Variants in MAP4K3 observed in about 807,000 individuals in gnomAD.
The protein encoded by MAP4K3 is mitogen-activated protein kinase kinase kinase kinase 3.
MAP4K3 carries 94 observed loss-of-function variants against 143.5 expected under a neutral mutation model. That is an observed-to-expected ratio of 0.65 (90% CI 0.55 to 0.78). The LOEUF (loss-of-function observed/expected upper bound fraction) is 0.78. MAP4K3 is among the 30% of genes least tolerant of loss of function. MAP4K3 has a pLI of 0.00. For missense variants in MAP4K3, 1,077 were observed against 1,068.1 expected (o/e 1.01, Z -0.12); for synonymous variants, 416 against 347.2 (o/e 1.20, Z -2.20).
At chr2:39,338,596 C>T (rs1438703712) in intron 4 of MAP4K3, among the ~76,000 whole-genome samples, 1 of 152,162 alleles carries the variant, frequency 6.6e-6, no homozygotes, top group East Asian at 1.9e-4. Context: ...ACGATGAACA[C>T]CTTTACATCA....
intron 29 of MAP4K3, among the ~76,000 whole-genome samples, chr2:39,259,443 T>C (rs1238001086): frequency 6.6e-6 from 1 of 152,134 alleles, no homozygotes; most frequent in Non-Finnish European, 1.5e-5. Flanking sequence ...CCTAGTGAAG[T>C]GATGGAAGAT....
chr2:39,290,212 G>A, intron 19 of MAP4K3, 80 bp downstream of exon 19: 1 of 990,952 alleles, frequency 1.0e-6, no homozygotes, highest in Non-Finnish European at 1.5e-6. Flanking sequence ...CAAATGAAAA[G>A]CTAGAAAAAC....
intron 12 of MAP4K3, among the ~76,000 whole-genome samples, chr2:39,318,987 T>C (rs191213483): frequency 2.4e-4 from 36 of 152,226 alleles, no homozygotes; most frequent in African/African-American, 8.2e-4. Flanking sequence ...GGACATTTTT[T>C]TGTTGTCACA....
intron 3 of MAP4K3, among the ~76,000 whole-genome samples, chr2:39,345,779 A>T (rs1411462692): frequency 6.6e-6 from 1 of 151,856 alleles, no homozygotes; most frequent in African/African-American, 2.4e-5. Flanking sequence ...GAAATTAGCC[A>T]GGCGTGGTGG....
chr2:39,312,754 A>T, intron 13 of MAP4K3, among the ~76,000 whole-genome samples: 1 of 152,228 alleles, frequency 6.6e-6, no homozygotes, highest in East Asian at 1.9e-4. Context: ...AACTTTTAGT[A>T]AGGTATCAAA....
At chr2:39,378,521 T>C (rs941280893) in intron 1 of MAP4K3, among the ~76,000 whole-genome samples, 5 of 152,158 alleles carry the variant, frequency 3.3e-5, no homozygotes, top group African/African-American at 1.2e-4. Flanking sequence ...TCGACAGTGC[T>C]GGGATTCAAA....
rs1216228024 is a variant in MAP4K3 at position 39,260,776 on chromosome 2, T to A, written c.2138A>T (p.His713Leu). 8 of 1,603,956 alleles carry A rather than the reference T, an allele frequency of 5.0e-6. No homozygotes were observed. Among genetic ancestry groups the A allele is most frequent in the Non-Finnish European group, 6.8e-6 (8 of 1,174,810 alleles). Residue 713 changes from histidine (H) to leucine (L), a missense_variant and splice_region_variant, in exon 29 of 34, where the codon CAC (histidine) becomes CTC (leucine). His to Leu is a moderately conservative substitution (Grantham distance 99, BLOSUM62 -3). This residue lies in a region of MAP4K3 where 864 missense variants were observed against 801.2 expected (regional missense o/e 1.08). Coordinates refer to ENST00000263881, the MANE Select transcript of MAP4K3 (RefSeq NM_003618.4). ...TGGACATGGTATAGGAAAATCTATG[T>A]GCTAGAGAAAGAAACAAAAATACAT... Reference protein sequence around the residue: ...EPMQKFMLIKHIDFPIPCPLR... With the variant: ...EPMQKFMLIKLIDFPIPCPLR...
chr2:39,292,201 G>C (rs941677803), intron 18 of MAP4K3, among the ~76,000 whole-genome samples: 3 of 152,132 alleles, frequency 2.0e-5, no homozygotes, highest in Non-Finnish European at 4.4e-5. Flanking sequence ...AATTACAGCA[G>C]CTATCAATCA....
chr2:39,371,394 T>G (rs1423399552), intron 2 of MAP4K3, among the ~76,000 whole-genome samples: 1 of 152,190 alleles, frequency 6.6e-6, no homozygotes, highest in Non-Finnish European at 1.5e-5. Flanking sequence ...CTCTGCCATC[T>G]GGGATGTAAA....
chr2:39,276,607 G>C (rs981597355), intron 24 of MAP4K3, among the ~76,000 whole-genome samples: 1 of 152,240 alleles, frequency 6.6e-6, no homozygotes, highest in African/African-American at 2.4e-5. Context: ...CATCCGTGAA[G>C]TGAGATTATC....
At chr2:39,339,801 G>GA (rs547217308) in intron 4 of MAP4K3, among the ~76,000 whole-genome samples, 20 of 150,926 alleles carry the variant, frequency 1.3e-4, no homozygotes, top group Non-Finnish European at 2.8e-4. Context: ...CAGGATCCCA[G>GA]AAAAAAAACA....
intron 21 of MAP4K3, chr2:39,283,766 G>T (rs1347017004): frequency 6.6e-6 from 1 of 152,272 alleles, no homozygotes; most frequent in Non-Finnish European, 1.5e-5. Context: ...TATACGAACT[G>T]TCCCCTGAGA....
chr2:39,319,267 T>A (rs562872689), intron 12 of MAP4K3, among the ~76,000 whole-genome samples: 10 of 152,158 alleles, frequency 6.6e-5, no homozygotes, highest in African/African-American at 1.9e-4. Context: ...AAGAACCTCC[T>A]TACCCCAATT....
At chr2:39,309,584 G>A in intron 13 of MAP4K3, 65 bp from the exon 14 acceptor site, 3 of 765,646 alleles carry the variant, frequency 3.9e-6, no homozygotes, top group Middle Eastern at 4.7e-4. Flanking sequence ...TTGAGGCAGA[G>A]TCTTGCTCTG....
intron 3 of MAP4K3, among the ~76,000 whole-genome samples, chr2:39,350,173 G>A (rs1333487531): frequency 6.6e-6 from 1 of 152,200 alleles, no homozygotes; most frequent in Non-Finnish European, 1.5e-5. Context: ...TGCCAAAGGT[G>A]AGAAACCCTG....
At chr2:39,270,249 G>A (rs1680955920) in intron 26 of MAP4K3, among the ~76,000 whole-genome samples, 1 of 152,162 alleles carries the variant, frequency 6.6e-6, no homozygotes, top group Non-Finnish European at 1.5e-5. Flanking sequence ...CAAAATAAGA[G>A]TTGTGGGCAG....
chr2:39,434,322 T>C (rs1178702531), intron 1 of MAP4K3, among the ~76,000 whole-genome samples: 2 of 152,184 alleles, frequency 1.3e-5, no homozygotes, highest in East Asian at 3.8e-4. Context: ...TAGAATAAAC[T>C]TGATTATAGA....
In MAP4K3 at chr2:39,347,532, G is replaced by C. The variant is rs578184266; in HGVS notation, c.246-4080C>G. ...TGCTTAGTAAAGGACCTGGAATATA[G>C]CACAATAAATGTAAGTTGTTTTCTA... is the stretch of plus-strand genomic sequence containing the variant. On this transcript the variant is annotated intron_variant, in intron 3 of 33. Coordinates refer to ENST00000263881, the MANE Select transcript of MAP4K3 (RefSeq NM_003618.4). 3.9e-5 allele frequency among the ~76,000 whole-genome samples: 6 copies of C among 152,136 alleles called. No homozygotes were observed. In the South Asian group the frequency reaches 8.3e-4, roughly 21 times the overall value.
At chr2:39,278,793 C>T (rs908713870) in intron 23 of MAP4K3, among the ~76,000 whole-genome samples, 1 of 152,016 alleles carries the variant, frequency 6.6e-6, no homozygotes, top group Non-Finnish European at 1.5e-5. Context: ...TTTCTAAAAC[C>T]CCCTAAAGAC....
Sources: gnomAD v4.1 joint callset for allele counts (sites outside exome capture counted in the v4.1 genomes callset) on GRCh38, gnomAD v4.1.1 for gene constraint, gnomAD v4.1.1 regional missense constraint, MANE v1.5 for transcripts, NCBI Gene and HGNC (gene_info 2026-07-23, HGNC 2026-07-21) for gene names.